The following GPC5 variants were observed in gnomAD, a reference collection of about 807,000 sequenced individuals.
GPC5 encodes the protein glypican 5.
GPC5 carries 47 observed loss-of-function variants against 53.9 expected under a neutral mutation model. That is an observed-to-expected ratio of 0.87 (90% CI 0.69 to 1.11). The LOEUF (loss-of-function observed/expected upper bound fraction) is 1.11, where lower values mean the gene tolerates loss of function less well. GPC5 is among the 50% of genes most tolerant of loss of function. GPC5 has a pLI of 0.00. For synonymous variants in GPC5, 286 were observed against 263.3 expected (o/e 1.09, Z -0.84); for missense variants, 748 against 713.1 (o/e 1.05, Z -0.56).
At chr13:92,853,476 G>A (rs915501596) in intron 7 of GPC5, among the ~76,000 whole-genome samples, 8 of 152,098 alleles carry the variant, frequency 5.3e-5, no homozygotes, top group South Asian at 4.1e-4. Context: ...TCTACTAGGG[G>A]TCTTGGAATA....
chr13:92,278,324 T>G (rs548816696), intron 7 of GPC5, among the ~76,000 whole-genome samples: 18 of 152,140 alleles, frequency 1.2e-4, no homozygotes, highest in Non-Finnish European at 2.5e-4. Flanking sequence ...AATCTATATA[T>G]GCAGCAAGAA....
At chr13:92,729,251 A>G (rs1170817368) in intron 7 of GPC5, among the ~76,000 whole-genome samples, 1 of 151,238 alleles carries the variant, frequency 6.6e-6, no homozygotes, top group Non-Finnish European at 1.5e-5. Context: ...ACCATTTTGT[A>G]TTTCCATCAC....
At chr13:92,434,148 A>C (rs1877206411) in intron 7 of GPC5, among the ~76,000 whole-genome samples, 1 of 152,206 alleles carries the variant, frequency 6.6e-6, no homozygotes, top group African/African-American at 2.4e-5. Context: ...TCATTGCTGT[A>C]CTAGTAAATG....
intron 6 of GPC5, among the ~76,000 whole-genome samples, chr13:91,919,178 C>T (rs1485875832): frequency 1.3e-5 from 2 of 152,072 alleles, no homozygotes; most frequent in African/African-American, 4.8e-5. Context: ...ATTTTGTCTC[C>T]TGTTTATCCT....
chr13:91,502,789 A>G (rs967720264), intron 2 of GPC5, among the ~76,000 whole-genome samples: 1 of 152,152 alleles, frequency 6.6e-6, no homozygotes, highest in South Asian at 2.1e-4. Context: ...CCTTACCTTC[A>G]TTAGGGAAAT....
intron 2 of GPC5, among the ~76,000 whole-genome samples, chr13:91,594,940 A>T (rs868033926): frequency 5.9e-5 from 9 of 151,826 alleles, no homozygotes; most frequent in African/African-American, 1.7e-4. Context: ...AAAGTTCTGG[A>T]ATTACAGGCA....
intron 7 of GPC5, among the ~76,000 whole-genome samples, chr13:92,262,693 G>A (rs768122744): frequency 2.6e-5 from 4 of 152,058 alleles, no homozygotes; most frequent in Non-Finnish European, 4.4e-5. Flanking sequence ...TGGGATTTCC[G>A]TATCCTATTA....
chr13:92,614,817 C>A (rs1484657725), intron 7 of GPC5, among the ~76,000 whole-genome samples: 1 of 152,156 alleles, frequency 6.6e-6, no homozygotes, highest in East Asian at 1.9e-4. Flanking sequence ...ATTCTTACTT[C>A]TTCATTCTAT....
intron 6 of GPC5, among the ~76,000 whole-genome samples, chr13:92,086,069 G>A (rs1188884299): frequency 1.3e-5 from 2 of 152,116 alleles, no homozygotes; most frequent in African/African-American, 4.8e-5. Flanking sequence ...AGTCTCTCAG[G>A]AATTCACACT....
At chr13:92,866,234 T>C (rs773978370) in intron 7 of GPC5, 48 bp from the exon 8 acceptor site, 12 of 1,542,418 alleles carry the variant, frequency 7.8e-6, no homozygotes, top group East Asian at 4.6e-5. Flanking sequence ...AGACGTATTA[T>C]GGTGAAGTGG....
chr13:91,473,891 G>T (rs898929812), intron 2 of GPC5, among the ~76,000 whole-genome samples: 1 of 152,150 alleles, frequency 6.6e-6, no homozygotes, highest in Non-Finnish European at 1.5e-5. Context: ...CAACAAGAAT[G>T]TAGTTTGAAG....
intron 5 of GPC5, among the ~76,000 whole-genome samples, chr13:91,879,297 T>C (rs1309287512): frequency 6.6e-6 from 1 of 152,246 alleles, no homozygotes; most frequent in Non-Finnish European, 1.5e-5. Flanking sequence ...TTTAAGATAG[T>C]TATTTTTAGT....
At chr13:92,316,509 A>T (rs1034422770) in intron 7 of GPC5, among the ~76,000 whole-genome samples, 2 of 152,132 alleles carry the variant, frequency 1.3e-5, no homozygotes, top group African/African-American at 2.4e-5. Context: ...CTAGATTTTT[A>T]AAATTATTTT....
intron 6 of GPC5, among the ~76,000 whole-genome samples, chr13:91,982,471 ATGT>A (rs1364343184): frequency 1.3e-5 from 2 of 151,880 alleles, no homozygotes; most frequent in African/African-American, 4.8e-5. Flanking sequence ...TAAAAAAGCT[ATGT>A]TGTTGAGTGA....
intron 7 of GPC5, among the ~76,000 whole-genome samples, chr13:92,317,181 C>T (rs1292191586): frequency 1.3e-5 from 2 of 152,054 alleles, no homozygotes; most frequent in East Asian, 1.9e-4. Context: ...TGTGGGAAGT[C>T]GCCCAAAGGC....
chr13:91,943,204 G>T (rs986850257), intron 6 of GPC5, among the ~76,000 whole-genome samples: 2 of 151,914 alleles, frequency 1.3e-5, no homozygotes, highest in African/African-American at 4.8e-5. Context: ...GTGTAATTCT[G>T]GTATGACATT....
chr13:91,511,651 C>CT (rs1885233520), intron 2 of GPC5, among the ~76,000 whole-genome samples: 1 of 151,992 alleles, frequency 6.6e-6, no homozygotes, highest in African/African-American at 2.4e-5. Context: ...GATATCAAGA[C>CT]TATTGTATGA....
chr13:91,715,497 G>T (rs1377262481), intron 3 of GPC5, among the ~76,000 whole-genome samples: 2 of 152,060 alleles, frequency 1.3e-5, no homozygotes, highest in Non-Finnish European at 2.9e-5. Context: ...AGACAAAAAA[G>T]AACAAAATGT....
At chr13:92,554,346 C>A (rs1273969977) in intron 7 of GPC5, among the ~76,000 whole-genome samples, 1 of 151,624 alleles carries the variant, frequency 6.6e-6, no homozygotes, top group Admixed American at 6.6e-5. Flanking sequence ...AACAGTGAAG[C>A]ATACTGATTC....
Sources: allele counts gnomAD v4.1 joint callset (sites outside exome capture counted in the v4.1 genomes callset), GRCh38; gene constraint gnomAD v4.1.1; transcripts MANE v1.5; gene names NCBI Gene and HGNC (gene_info 2026-07-23, HGNC 2026-07-21).